Variants in SUN1 observed in about 807,000 individuals in gnomAD.
SUN1 encodes the protein SUN domain-containing protein 1.
Under a neutral mutation model 103.2 loss-of-function variants are expected in SUN1, and 61 were observed. That is an observed-to-expected ratio of 0.59 (90% CI 0.48 to 0.73). The LOEUF (loss-of-function observed/expected upper bound fraction) is 0.73. SUN1 is among the 30% of genes least tolerant of loss of function. SUN1 has a pLI of 0.00. For synonymous variants in SUN1, 490 were observed against 425.7 expected (o/e 1.15, Z -1.86); for missense variants, 1,052 against 1,034.6 (o/e 1.02, Z -0.23).
At position 841,928 on chromosome 7, in the gene SUN1, G is replaced by A. The variant is rs1562610920; in HGVS notation, c.267-18G>A. On this transcript the variant is annotated intron_variant, in intron 2 of 18. Transcript: ENST00000401592. ...GCTAGAAAAGATCTATAAACTTGCT[G>A]TTTTTTTTTCTTCTTAGAACAACAA... 1.3e-6 allele frequency: 2 copies of A among 1,572,306 alleles called. No homozygotes were observed. The highest frequency in any genetic ancestry group is 1.7e-6 in the Non-Finnish European group (2 of 1,148,528).
chr7:824,574 C>T (rs949272705), intron 1 of SUN1, among the ~76,000 whole-genome samples: 3 of 152,122 alleles, frequency 2.0e-5, no homozygotes, highest in Non-Finnish European at 2.9e-5. Context: ...CTGTGATGAC[C>T]ACCGTTCTGT....
intron 11 of SUN1, 99 bp downstream of exon 11, chr7:855,105 G>T: frequency 3.3e-6 from 3 of 908,722 alleles, no homozygotes; most frequent in Non-Finnish European, 5.0e-6. Flanking sequence ...CTCTTTTTAG[G>T]CTATTTGCTG....
At chr7:839,379 G>C (rs754996950) in intron 2 of SUN1, among the ~76,000 whole-genome samples, 1 of 152,230 alleles carries the variant, frequency 6.6e-6, no homozygotes, top group Non-Finnish European at 1.5e-5. Flanking sequence ...GACGATCTCC[G>C]TGTCCAGTTC....
chr7:848,820 C>G (rs1328062153), intron 5 of SUN1, among the ~76,000 whole-genome samples: 1 of 152,206 alleles, frequency 6.6e-6, no homozygotes, highest in Non-Finnish European at 1.5e-5. Context: ...TTGGTTCCCT[C>G]AGAGCTGATC....
intron 1 of SUN1, chr7:817,417 A>C (rs1562448264): frequency 6.5e-7 from 1 of 1,535,472 alleles, no homozygotes; most frequent in East Asian, 2.4e-5. Flanking sequence ...TCTGGTGCAA[A>C]ATAAGCAGCG....
chr7:838,348 G>T (rs752605452), intron 1 of SUN1, among the ~76,000 whole-genome samples: 1 of 152,248 alleles, frequency 6.6e-6, no homozygotes, highest in East Asian at 1.9e-4. Context: ...TTTAGAAGGG[G>T]AGCATTGACG....
intron 11 of SUN1, 29 bp from the exon 12 acceptor site, chr7:856,329 T>A (rs774436471): frequency 6.2e-7 from 1 of 1,609,718 alleles, no homozygotes; most frequent in Admixed American, 1.7e-5. Flanking sequence ...ACTTATGTGT[T>A]TCAGTAGACT....
At chr7:826,503 C>A (rs1792139603) in intron 1 of SUN1, among the ~76,000 whole-genome samples, 1 of 152,204 alleles carries the variant, frequency 6.6e-6, no homozygotes, top group African/African-American at 2.4e-5. Flanking sequence ...CCGGGGGCTG[C>A]AGCTCTGGGT....
In SUN1 at chr7:874,719, G is replaced by A. The variant is rs1037620079; in HGVS notation, c.*1388G>A. The A allele has an allele frequency of 6.6e-6, 1 of 152,126 alleles. No individual in the cohort carries two copies. Among genetic ancestry groups the A allele is most frequent in the African/African-American group, 2.4e-5 (1 of 41,422 alleles). 9.4% of individuals were successfully genotyped at this position (152,126 alleles called of 1,614,324 possible). A position where few individuals can be genotyped will look rare whatever the true frequency, so the allele number is the denominator to read the frequency against. ...AAATTTCCTATATAAAACTGATTTG[G>A]GATTTGGGGTGGAAATATTTTGAAT... On this transcript the variant is annotated 3_prime_UTR_variant, in exon 19 of 19. Coordinates refer to ENST00000401592, the MANE Select transcript of SUN1 (RefSeq NM_001130965.3).
chr7:853,272 T>G, intron 9 of SUN1, 137 bp from the exon 10 acceptor site: 1 of 988,522 alleles, frequency 1.0e-6, no homozygotes, highest in Non-Finnish European at 1.5e-6. Flanking sequence ...ATACTCCGGG[T>G]TTCTGTGGAT....
At chr7:843,630 C>G in intron 5 of SUN1, 110 bp downstream of exon 5, 2 of 1,594,678 alleles carry the variant, frequency 1.3e-6, no homozygotes, top group Non-Finnish European at 1.7e-6. Flanking sequence ...TTAAAATTAT[C>G]CCTTGAAAGC....
intron 2 of SUN1, 37 bp downstream of exon 2, chr7:839,023 A>G (rs1670913051): frequency 6.7e-7 from 1 of 1,483,066 alleles, no homozygotes; most frequent in Non-Finnish European, 8.9e-7. Context: ...TCTGATCTCT[A>G]ACACCAGTTA....
At chr7:834,609 C>G (rs566413336) in intron 1 of SUN1, among the ~76,000 whole-genome samples, 1 of 152,202 alleles carries the variant, frequency 6.6e-6, no homozygotes, top group African/African-American at 2.4e-5. Context: ...GACCTCTTTT[C>G]TGAAAGTTCC....
intron 1 of SUN1, among the ~76,000 whole-genome samples, chr7:826,577 C>T (rs1417393642): frequency 6.6e-6 from 1 of 152,120 alleles, no homozygotes; most frequent in South Asian, 2.1e-4. Flanking sequence ...TGTGTCCCCC[C>T]GTGGATCAGT....
rs1338126289 is a variant in SUN1, at chr7:841,713, A to G, written c.267-233A>G. The G allele has an allele frequency of 1.2e-5, 6 of 491,316 alleles. No individual in the cohort carries two copies. In the East Asian group the frequency reaches 1.9e-4, roughly 16 times the overall value. The allele number at this position is 491,316 out of a possible 1,614,324, so 30.4% of individuals were successfully genotyped here. ...TAACCACTTGGGGTCATGGTGCCCA[A>G]AATAACCTGGAAACTATTTTGTGTT... On this transcript the variant is annotated intron_variant, in intron 2 of 18. Transcript: ENST00000401592.
chr7:856,856 T>G (rs551944494), intron 12 of SUN1, among the ~76,000 whole-genome samples: 20 of 152,250 alleles, frequency 1.3e-4, no homozygotes, highest in African/African-American at 4.6e-4. Flanking sequence ...CGGCAGTCCC[T>G]GGTGGACAGG....
At chr7:842,769 A>G (rs1358228256) in intron 3 of SUN1, among the ~76,000 whole-genome samples, 1 of 152,236 alleles carries the variant, frequency 6.6e-6, no homozygotes, top group Non-Finnish European at 1.5e-5. Context: ...GAAGATCCAG[A>G]TTAGTTCCAG....
chr7:869,321 T>C, intron 16 of SUN1, 28 bp from the exon 17 acceptor site: 1 of 1,608,858 alleles, frequency 6.2e-7, no homozygotes, highest in Non-Finnish European at 8.5e-7. Context: ...GCTCACACTC[T>C]GAGTCCTCAT....
At chr7:822,734 C>T (rs1787470834) in intron 1 of SUN1, among the ~76,000 whole-genome samples, 1 of 152,170 alleles carries the variant, frequency 6.6e-6, no homozygotes, top group Non-Finnish European at 1.5e-5. Context: ...CATGTAAGAC[C>T]GTGAGACTGC....
Sources: gnomAD v4.1 joint callset for allele counts (sites outside exome capture counted in the v4.1 genomes callset) on GRCh38, gnomAD v4.1.1 for gene constraint, MANE v1.5 for transcripts, NCBI Gene and HGNC (gene_info 2026-07-23, HGNC 2026-07-21) for gene names.